The following PRSS23 variants were observed in gnomAD, a reference collection of about 807,000 sequenced individuals.
PRSS23 encodes serine protease 23.
PRSS23 carries 25 observed loss-of-function variants against 34.7 expected under a neutral mutation model. The observed-to-expected ratio is 0.72, with a 90% confidence interval of 0.53 to 1.01. The LOEUF is 1.01. Ranked by LOEUF, PRSS23 falls within the 50% of genes least tolerant of loss-of-function variation. The pLI, the probability that PRSS23 is intolerant of heterozygous loss-of-function variation, is 0.00. For synonymous variants in PRSS23, 176 were observed against 186.6 expected, an observed-to-expected ratio of 0.94 and a Z score of 0.46; for missense variants, 445 against 475.6, an observed-to-expected ratio of 0.94 and a Z score of 0.60.
intron 2 of PRSS23, among the ~76,000 whole-genome samples, chr11:86,869,086 T>C (rs1189187614): frequency 1.3e-5 from 2 of 152,158 alleles, no homozygotes; most frequent in Non-Finnish European, 2.9e-5. Context: ...GTGCCACTGC[T>C]CCCTGCCAAT....
chr11:86,915,447 T>G (rs1949005179), intron 2 of PRSS23, among the ~76,000 whole-genome samples: 1 of 151,606 alleles, frequency 6.6e-6, no homozygotes. Flanking sequence ...TAATGTCTAC[T>G]CTGGAGGCTT....
intron 2 of PRSS23, among the ~76,000 whole-genome samples, chr11:86,861,989 G>T (rs937400836): frequency 6.6e-6 from 1 of 151,776 alleles, no homozygotes; most frequent in Admixed American, 6.6e-5. Context: ...ATATACAGGG[G>T]GTGAGAGAAT....
intron 2 of PRSS23, among the ~76,000 whole-genome samples, chr11:86,844,782 C>G (rs1205388877): frequency 6.6e-6 from 1 of 152,192 alleles, no homozygotes; most frequent in Non-Finnish European, 1.5e-5. Context: ...GATGAAAGAA[C>G]AGGCAGCAAA....
chr11:86,887,272 G>T (rs1948808663), intron 2 of PRSS23, among the ~76,000 whole-genome samples: 1 of 152,098 alleles, frequency 6.6e-6, no homozygotes, highest in Non-Finnish European at 1.5e-5. Flanking sequence ...GTGGGGACTG[G>T]GTTCTTGAGG....
chr11:86,820,017 CA>C lies in PRSS23; in HGVS notation c.-11-3354del, dbSNP rs557480192. Among the ~76,000 whole-genome samples the C allele has an allele frequency of 2.0e-4, 31 of 152,164 alleles. No homozygotes were observed. In the South Asian group the frequency reaches 6.0e-3, roughly 30 times the overall value. On this transcript the variant is annotated intron_variant, in intron 1 of 2. Coordinates refer to the PRSS23 transcript ENST00000533902. ...TACCACAATGAATTATAACAAAGTC[CA>C]AAAAATGTATAACTATTCATCAACA... is the stretch of plus-strand genomic sequence containing the variant.
chr11:86,886,849 G>T (rs950463596), intron 2 of PRSS23, among the ~76,000 whole-genome samples: 7 of 152,174 alleles, frequency 4.6e-5, no homozygotes, highest in Admixed American at 1.3e-4. Context: ...TGAGGCAGGA[G>T]AATTGCTTGA....
chr11:86,861,815 G>A (rs1055691729), intron 2 of PRSS23, among the ~76,000 whole-genome samples: 1 of 151,686 alleles, frequency 6.6e-6, no homozygotes, highest in African/African-American at 2.4e-5. Context: ...ACACGCCTTT[G>A]TGATATTGTT....
intron 2 of PRSS23, chr11:86,833,574 G>A (rs924765474): frequency 3.1e-5 from 7 of 227,142 alleles, no homozygotes; most frequent in South Asian, 1.4e-4. Flanking sequence ...TTGCTGGCTC[G>A]AATGCCTGGG....
intron 2 of PRSS23, among the ~76,000 whole-genome samples, chr11:86,829,148 G>T (rs1590882489): frequency 6.6e-6 from 1 of 152,080 alleles, no homozygotes; most frequent in South Asian, 2.1e-4. Flanking sequence ...ATGTAGATTT[G>T]GTCTTTTCAC....
At chr11:86,801,210 G>A (rs1025780523) in intron 1 of PRSS23, among the ~76,000 whole-genome samples, 1 of 152,182 alleles carries the variant, frequency 6.6e-6, no homozygotes, top group South Asian at 2.1e-4. Flanking sequence ...CGTTCCGGGG[G>A]TGCTAACCCT....
At chr11:86,828,591 A>C (rs1222739401) in intron 2 of PRSS23, among the ~76,000 whole-genome samples, 1 of 152,108 alleles carries the variant, frequency 6.6e-6, no homozygotes, top group Non-Finnish European at 1.5e-5. Flanking sequence ...CCCTAGCCTC[A>C]ATGGTCTTTA....
At chr11:86,879,558 C>A (rs1277180514) in intron 2 of PRSS23, among the ~76,000 whole-genome samples, 2 of 138,770 alleles carry the variant, frequency 1.4e-5, no homozygotes, top group African/African-American at 5.4e-5. Context: ...GGGGGGTCAG[C>A]CCCCCGCCCG....
intron 2 of PRSS23, among the ~76,000 whole-genome samples, chr11:86,843,610 T>C (rs1024061851): frequency 3.3e-5 from 5 of 152,036 alleles, no homozygotes; most frequent in Non-Finnish European, 5.9e-5. Flanking sequence ...GCAAAGAATA[T>C]AAACAGACAC....
At chr11:86,831,794 T>G (rs1948358691) in intron 2 of PRSS23, among the ~76,000 whole-genome samples, 1 of 151,968 alleles carries the variant, frequency 6.6e-6, no homozygotes. Context: ...AGAGAGATGT[T>G]ACTCCTAGTG....
chr11:86,945,364 C>A (rs376259289), intron 2 of PRSS23, among the ~76,000 whole-genome samples: 141 of 133,042 alleles, frequency 1.1e-3, no homozygotes, highest in Non-Finnish European at 1.1e-3. Flanking sequence ...CTGAAAATGC[C>A]AAAAAAAAAA....
intron 2 of PRSS23, among the ~76,000 whole-genome samples, chr11:86,835,602 C>T (rs1332223028): frequency 6.6e-6 from 1 of 152,166 alleles, no homozygotes; most frequent in Non-Finnish European, 1.5e-5. Flanking sequence ...ACCTGGGAAT[C>T]CATATTCGGC....
chr11:86,868,581 C>A (rs894521882), intron 2 of PRSS23, among the ~76,000 whole-genome samples: 1 of 152,064 alleles, frequency 6.6e-6, no homozygotes, highest in Non-Finnish European at 1.5e-5. Context: ...TCCCTTTGAC[C>A]CTGTGTAGCC....
At chr11:86,863,777 C>T (rs899793002) in intron 2 of PRSS23, among the ~76,000 whole-genome samples, 12 of 138,890 alleles carry the variant, frequency 8.6e-5, no homozygotes, top group East Asian at 6.2e-4. Flanking sequence ...GACTTCCTAA[C>T]GATTAACAGA....
At chr11:86,914,260 A>G (rs1948998714) in intron 2 of PRSS23, among the ~76,000 whole-genome samples, 1 of 152,110 alleles carries the variant, frequency 6.6e-6, no homozygotes, top group Non-Finnish European at 1.5e-5. Context: ...AGAAAGTTGC[A>G]AAAGGAGTGT....
Sources: gnomAD v4.1 joint callset for allele counts (sites outside exome capture counted in the v4.1 genomes callset) on GRCh38, gnomAD v4.1.1 for gene constraint, MANE v1.5 for transcripts, NCBI Gene and HGNC (gene_info 2026-07-23, HGNC 2026-07-21) for gene names.